Variants in AKAP13 observed in about 807,000 individuals in gnomAD.
The protein encoded by AKAP13 is A-kinase anchoring protein 13.
Under a neutral mutation model 264.5 loss-of-function variants are expected in AKAP13, and 80 were observed. That is an observed-to-expected ratio of 0.30 (90% confidence interval 0.25 to 0.36). The LOEUF is 0.36. AKAP13 is among the 10% of genes least tolerant of loss of function. The pLI is 1.00. For missense variants in AKAP13, 3,712 were observed against 3,435.2 expected, an observed-to-expected ratio of 1.08 and a Z score of -2.01; for synonymous variants, 1,380 against 1,250.2, an observed-to-expected ratio of 1.10 and a Z score of -2.19.
chr15:85,642,166 T>C (rs370322), intron 9 of AKAP13, among the ~76,000 whole-genome samples: 21,998 of 152,186 alleles, frequency 0.14, 2,774 homozygotes, highest in East Asian at 0.36. Flanking sequence ...TAGACACATA[T>C]ATCACACACC....
chr15:85,453,796 G>A (rs2074179786), intron 1 of AKAP13, among the ~76,000 whole-genome samples: 1 of 151,718 alleles, frequency 6.6e-6, no homozygotes, highest in African/African-American at 2.4e-5. Flanking sequence ...TCAGATCTCT[G>A]TTGGCTGGAG....
intron 16 of AKAP13, 27 bp from the exon 17 acceptor site, chr15:85,693,250 T>C (rs2085390271): frequency 6.3e-6 from 10 of 1,577,702 alleles, no homozygotes; most frequent in Non-Finnish European, 8.6e-6. Flanking sequence ...TTCAATTAAC[T>C]GTGGATTATT....
chr15:85,618,160 G>A (rs75738526), intron 8 of AKAP13, among the ~76,000 whole-genome samples: 12,453 of 152,214 alleles, frequency 0.082, 804 homozygotes, highest in East Asian at 0.35. Context: ...TGAGGAAGAC[G>A]TTTACAGTCT....
At position 85,619,342 on chromosome 15, in the gene AKAP13, T is replaced by G. The variant is rs115364237; in HGVS notation, c.4162-20032T>G. The G allele has an allele frequency of 2.1e-3, 2,067 of 983,702 alleles. 28 individuals are homozygous for G. The African/African-American group carries it at 0.028, about 13-fold the overall frequency. The allele number at this position is 983,702 out of a possible 1,614,324, so 60.9% of individuals were successfully genotyped here. A position where few individuals can be genotyped will look rare whatever the true frequency, so the allele number is the denominator to read the frequency against. ...AGGAAAAAGGGAGGAGGAGGCTGGC[T>G]AGGGAGGGAAGGAGGGAGGGAGGGA... On this transcript the variant is annotated intron_variant, in intron 8 of 36. Coordinates refer to ENST00000394518, the MANE Select transcript of AKAP13 (RefSeq NM_007200.5).
Position 85,580,643 on chromosome 15 carries a change from G to T in AKAP13, c.2575G>T (p.Gly859Trp), listed in dbSNP as rs201309736. Reference protein sequence around the residue: ...TSSTAAELQHGMGNTSLTGLG... With the variant: ...TSSTAAELQHWMGNTSLTGLG... ...CTCCACTGCTGCAGAGCTTCAGCAC[G>T]GGATGGGGAATACCAGTCTCACAGG... The change falls in exon 7 of 37, where the codon GGG becomes TGG. Residue 859 changes from glycine (G) to tryptophan (W), a missense_variant. By Grantham distance (184) the Gly-to-Trp change is radical. This residue lies in a region of AKAP13 where 2,759 missense variants were observed against 2,411.7 expected (regional missense o/e 1.14). Coordinates refer to ENST00000394518, the MANE Select transcript of AKAP13 (RefSeq NM_007200.5). The T allele has an allele frequency of 1.9e-6, 3 of 1,614,234 alleles. No individual in the cohort carries two copies. In the Admixed American group the frequency reaches 5.0e-5, roughly 27 times the overall value.
At chr15:85,717,187 TC>T (rs1174953680) in intron 20 of AKAP13, 102 bp from the exon 21 acceptor site, 4 of 691,682 alleles carry the variant, frequency 5.8e-6, no homozygotes, top group East Asian at 6.0e-5. Flanking sequence ...CTGTAGTACT[TC>T]CAGCCAGTTG....
intron 2 of AKAP13, among the ~76,000 whole-genome samples, chr15:85,486,210 G>C (rs1161349314): frequency 6.6e-6 from 1 of 151,952 alleles, no homozygotes; most frequent in East Asian, 1.9e-4. Flanking sequence ...TCATTCAGTG[G>C]GTTGTCATTT....
chr15:85,500,350 T>C (rs2076006957), intron 2 of AKAP13, among the ~76,000 whole-genome samples: 1 of 152,234 alleles, frequency 6.6e-6, no homozygotes, highest in African/African-American at 2.4e-5. Flanking sequence ...TCTCATTTTA[T>C]TGGTCTGACA....
At chr15:85,704,617 C>G (rs1567204794) in intron 17 of AKAP13, among the ~76,000 whole-genome samples, 1 of 152,214 alleles carries the variant, frequency 6.6e-6, no homozygotes, top group East Asian at 1.9e-4. Context: ...CAGCTCTGTT[C>G]CCATAAACCA....
At chr15:85,562,874 T>G (rs1278021763) in intron 5 of AKAP13, among the ~76,000 whole-genome samples, 5 of 44,496 alleles carry the variant, frequency 1.1e-4, no homozygotes, top group East Asian at 1.3e-3. Context: ...TTTTTTTGTT[T>G]TTTTTTTTTT....
rs148967477 is a variant in AKAP13, at chr15:85,693,358, G to A, written c.5371G>A (p.Gly1791Arg). The A allele has an allele frequency of 7.4e-6, 12 of 1,613,966 alleles. No homozygotes were observed. In the East Asian group the frequency reaches 1.8e-4, roughly 24 times the overall value. ...DKEKDKKTVN[G>R]HTFSSIPVVG... ...GGAGAAAGATAAGAAGACTGTCAAC[G>A]GGCACACTTTCAGTTCCATTCCTGT... The change falls in exon 17 of 37, where the codon GGG (glycine) becomes AGG (arginine). Residue 1791 changes from glycine to arginine, a missense_variant. This residue lies in a region of AKAP13 where 2,759 missense variants were observed against 2,411.7 expected (regional missense o/e 1.14). Coordinates refer to ENST00000394518, the MANE Select transcript of AKAP13 (RefSeq NM_007200.5).
chr15:85,722,909 T>G (rs149230425), intron 25 of AKAP13, among the ~76,000 whole-genome samples, 163 bp from the exon 26 acceptor site: 4 of 152,316 alleles, frequency 2.6e-5, no homozygotes, highest in Admixed American at 2.0e-4. Flanking sequence ...ATCAAACTTA[T>G]GACAGCAAGA....
At chr15:85,426,178 A>T (rs1393018311) in intron 1 of AKAP13, among the ~76,000 whole-genome samples, 1 of 152,188 alleles carries the variant, frequency 6.6e-6, no homozygotes, top group Non-Finnish European at 1.5e-5. Context: ...AAAATATTTT[A>T]TATTGGTTTA....
chr15:85,461,613 T>TTTG (rs925344195), intron 1 of AKAP13, among the ~76,000 whole-genome samples: 5 of 152,002 alleles, frequency 3.3e-5, no homozygotes, highest in African/African-American at 1.2e-4. Flanking sequence ...TGTGTTTTTT[T>TTTG]TTGTTGTTGT....
At chr15:85,743,927 C>T in intron 36 of AKAP13, 102 bp downstream of exon 36, 1 of 1,355,978 alleles carries the variant, frequency 7.4e-7, no homozygotes, top group South Asian at 1.5e-5. Context: ...GGGGACAGTT[C>T]AGATGCTCAA....
intron 1 of AKAP13, among the ~76,000 whole-genome samples, chr15:85,480,674 A>G (rs7180383): frequency 0.016 from 2,373 of 151,878 alleles, 23 homozygotes; most frequent in Middle Eastern, 0.024. Context: ...TTGGATAGAG[A>G]CACACCATTT....
intron 1 of AKAP13, among the ~76,000 whole-genome samples, chr15:85,419,355 A>T (rs2072403168): frequency 1.3e-5 from 2 of 152,194 alleles, no homozygotes; most frequent in Non-Finnish European, 2.9e-5. Context: ...TATTCCTGGT[A>T]AAGACTCACC....
At chr15:85,604,075 T>C (rs1045040520) in intron 8 of AKAP13, among the ~76,000 whole-genome samples, 5 of 152,224 alleles carry the variant, frequency 3.3e-5, no homozygotes, top group South Asian at 2.1e-4. Flanking sequence ...AAGGTTGATA[T>C]CTAGTTAGTT....
chr15:85,384,816 G>A (rs189246467), intron 1 of AKAP13, among the ~76,000 whole-genome samples: 37 of 151,830 alleles, frequency 2.4e-4, no homozygotes, highest in African/African-American at 8.9e-4. Flanking sequence ...TAGTTTTCTC[G>A]TCCACCTACA....
Sources: allele counts gnomAD v4.1 joint callset (sites outside exome capture counted in the v4.1 genomes callset), GRCh38; gene constraint gnomAD v4.1.1; regional missense constraint gnomAD v4.1.1; transcripts MANE v1.5; gene names NCBI Gene and HGNC (gene_info 2026-07-23, HGNC 2026-07-21).